Variants in PIGX observed in about 807,000 individuals in gnomAD.
PIGX encodes GPI alpha-1,4-mannosyltransferase I, stabilizing subunit.
In PIGX, 24 loss-of-function variants were observed where a neutral mutation model predicts 28.7. The ratio of observed to expected loss-of-function variants is 0.84; its 90% CI spans 0.60 to 1.17. The LOEUF (loss-of-function observed/expected upper bound fraction) is 1.17, where lower values mean the gene tolerates loss of function less well. PIGX is among the 50% of genes most tolerant of loss of function. PIGX has a pLI of 0.00. For synonymous variants in PIGX, 127 were observed against 121.0 expected (o/e 1.05, Z -0.33); for missense variants, 305 against 317.8 (o/e 0.96, Z 0.31).
intron 3 of PIGX, among the ~76,000 whole-genome samples, chr3:196,725,970 A>G (rs1712507056): frequency 6.6e-6 from 1 of 152,242 alleles, no homozygotes; most frequent in South Asian, 2.1e-4. Flanking sequence ...GGATATAGAC[A>G]TATCCAGCAA....
At chr3:196,732,792 C>T (rs1712867249) in intron 5 of PIGX, among the ~76,000 whole-genome samples, 5 of 152,102 alleles carry the variant, frequency 3.3e-5, no homozygotes, top group South Asian at 4.1e-4. Flanking sequence ...TCCCAAGTTA[C>T]GTACATTTTA....
rs920085209 is a variant in PIGX at position 196,712,727 on chromosome 3, G to T, written c.112+83G>T. The T allele has an allele frequency of 1.2e-5, 14 of 1,121,838 alleles. No individual in the cohort carries two copies. In the African/African-American group the frequency reaches 2.3e-4, roughly 19 times the overall value. 69.5% of individuals were successfully genotyped at this position (1,121,838 alleles called of 1,614,324 possible). On this transcript the variant is annotated intron_variant, in intron 1 of 5. Transcript: ENST00000392391. ...TCTCGGCGGGTTGCGGGGATGTGGG[G>T]ACCCGGCGCGGGACCTAGATCAGTA...
rs79508516 is a variant in PIGX, at chr3:196,732,709, C to G, written c.634-1050C>G. Among the ~76,000 whole-genome samples the G allele has an allele frequency of 0.045, 6,851 of 152,166 alleles. 826 individuals carry two copies. The East Asian group carries it at 0.51, about 11-fold the overall frequency. On this transcript the variant is annotated intron_variant, in intron 5 of 5. Transcript: ENST00000392391. Reference sequence around the variant, plus strand: ...ACGGTTTTCAGATAGCACTTTGTTGCAGATTGGGTTGGTTACTTGTATTTT... The same window carrying G: ...ACGGTTTTCAGATAGCACTTTGTTGGAGATTGGGTTGGTTACTTGTATTTT...
In PIGX at chr3:196,712,681, A is replaced by T. The variant is rs1711875055; in HGVS notation, c.112+37A>T. ...GGGGCTTGGGGGGCCAGAGCGTGGGAGCGGTCCCGGCTCCCGGGCCTCTCG... is the reference window on the plus strand; with the variant it reads ...GGGGCTTGGGGGGCCAGAGCGTGGGTGCGGTCCCGGCTCCCGGGCCTCTCG... On this transcript the variant is annotated intron_variant, in intron 1 of 5. Coordinates refer to ENST00000392391, the MANE Select transcript of PIGX (RefSeq NM_017861.4). The T allele has an allele frequency of 6.0e-6, 7 of 1,174,602 alleles. No individual in the cohort carries two copies. In the African/African-American group the frequency reaches 8.1e-5, roughly 14 times the overall value. The allele number at this position is 1,174,602 out of a possible 1,614,324, so 72.8% of individuals were successfully genotyped here. A position where few individuals can be genotyped will look rare whatever the true frequency, so the allele number is the denominator to read the frequency against.
chr3:196,722,584 G>C, intron 3 of PIGX, 28 bp downstream of exon 3: 1 of 1,597,320 alleles, frequency 6.3e-7, no homozygotes, highest in Non-Finnish European at 8.6e-7. Context: ...TTTTTTGGGA[G>C]AGAAATTAAT....
chr3:196,730,747 CAA>C (rs965830812), intron 4 of PIGX, among the ~76,000 whole-genome samples: 23 of 40,742 alleles, frequency 5.6e-4, no homozygotes, highest in African/African-American at 1.6e-3. Flanking sequence ...GACTCTGTCT[CAA>C]AAAAAAAAAA....
chr3:196,713,717 G>A lies in PIGX; in HGVS notation c.112+1073G>A, dbSNP rs192610520. Among the ~76,000 whole-genome samples, 1,174 of 151,778 alleles carry A rather than the reference G, an allele frequency of 7.7e-3. 12 individuals are homozygous for A. Among genetic ancestry groups the A allele is most frequent in the Non-Finnish European group, 0.011 (764 of 67,940 alleles). On this transcript the variant is annotated intron_variant, in intron 1 of 5. Transcript: ENST00000392391. ...CGGGGCGTGATGGCGTGCCCCTGTAGTCCCAGCTACTCAGGGGGCTAAGGC... is the reference window on the plus strand; with the variant it reads ...CGGGGCGTGATGGCGTGCCCCTGTAATCCCAGCTACTCAGGGGGCTAAGGC...
In PIGX at chr3:196,730,984, T is replaced by A. The variant is rs893316481; in HGVS notation, c.533-8T>A. The A allele has an allele frequency of 7.8e-5, 124 of 1,583,084 alleles. No individual in the cohort carries two copies. Among genetic ancestry groups the A allele is most frequent in the Non-Finnish European group, 1.1e-4 (123 of 1,152,894 alleles). On this transcript the variant is annotated splice_polypyrimidine_tract_variant and splice_region_variant and intron_variant, in intron 4 of 5. Transcript: ENST00000392391. ...TTTTCTGACATCATTTTCTACCACT[T>A]TTCTCAGAGTTCCCGATTTTGAAAT...
At chr3:196,729,021 G>C (rs1289556834) in intron 4 of PIGX, among the ~76,000 whole-genome samples, 1 of 152,050 alleles carries the variant, frequency 6.6e-6, no homozygotes, top group Non-Finnish European at 1.5e-5. Context: ...TTTTTATGTG[G>C]GAATGGGTAA....
At chr3:196,726,591 TGATGAATGA>T in intron 3 of PIGX, 1 of 444,776 alleles carries the variant, frequency 2.2e-6, no homozygotes, top group East Asian at 7.0e-5. Context: ...GCAGCTAATA[TGATGAATGA>T]TTTGGAAACC....
rs150286038 is a variant in PIGX, at chr3:196,714,256, G to T, written c.112+1612G>T. ...AGGTGGAAGGATTGCTTGAGGCCAA[G>T]AGTTCAAGACCAGCCTGGAAAACAT... On this transcript the variant is annotated intron_variant, in intron 1 of 5. Coordinates refer to ENST00000392391, the MANE Select transcript of PIGX (RefSeq NM_017861.4). Among the ~76,000 whole-genome samples the T allele has an allele frequency of 7.6e-3, 1,156 of 152,274 alleles. 18 individuals are homozygous for T. Among genetic ancestry groups the T allele is most frequent in the African/African-American group, 0.027 (1,104 of 41,552 alleles).
At chr3:196,730,004 A>T (rs966508357) in intron 4 of PIGX, among the ~76,000 whole-genome samples, 1 of 150,352 alleles carries the variant, frequency 6.7e-6, no homozygotes, top group African/African-American at 2.4e-5. Context: ...TGGGAGGCGG[A>T]GGTTTCAGTG....
rs73072734 is a variant in PIGX at position 196,731,028 on chromosome 3, T to C, written c.569T>C (p.Val190Ala). The C allele has an allele frequency of 8.5e-4, 1,374 of 1,611,840 alleles. 16 individuals are homozygous for C. The African/African-American group carries it at 0.017, about 20-fold the overall frequency. Reference sequence around the variant, plus strand: ...TTGAAATGCTGGGCTCACTCAGAAGTGGCAGCCCCTTGTGCTTTGGAGAAT... The same window carrying C: ...TTGAAATGCTGGGCTCACTCAGAAGCGGCAGCCCCTTGTGCTTTGGAGAAT... The change falls in exon 5 of 6, where the codon GTG becomes GCG. Residue 190 changes from valine to alanine, a missense_variant. Physicochemically the swap from Val to Ala is moderately conservative, Grantham distance 64 (BLOSUM62 0). Coordinates refer to ENST00000392391, the MANE Select transcript of PIGX (RefSeq NM_017861.4).
chr3:196,713,036 G>C, intron 1 of PIGX: 1 of 987,056 alleles, frequency 1.0e-6, no homozygotes, highest in Non-Finnish European at 1.2e-6. Flanking sequence ...AGGACTCCGT[G>C]GCAAACTGCT....
rs539324430 is a variant in PIGX at position 196,719,008 on chromosome 3, A to G, written c.176+2087A>G. Among the ~76,000 whole-genome samples, 112 of 152,192 alleles carry G rather than the reference A, an allele frequency of 7.4e-4. No individual in the cohort carries two copies. In the South Asian group the frequency reaches 0.02, roughly 27 times the overall value. The stretch of plus-strand genomic sequence containing the variant: ...TAGCCATCCCATATTTATTATTAAT[A>G]TTTGCATATCTTTTTTATCCTTTTA... On this transcript the variant is annotated intron_variant, in intron 2 of 5. Coordinates refer to ENST00000392391, the MANE Select transcript of PIGX (RefSeq NM_017861.4).
At chr3:196,713,084 A>G (rs1424624389) in intron 1 of PIGX, 2 of 985,578 alleles carry the variant, frequency 2.0e-6, no homozygotes, top group Non-Finnish European at 2.4e-6. Context: ...AACTGCTTGT[A>G]CTACTGAGAC....
chr3:196,730,054 A>G (rs1712685432), intron 4 of PIGX, among the ~76,000 whole-genome samples: 1 of 150,616 alleles, frequency 6.6e-6, no homozygotes, highest in Non-Finnish European at 1.5e-5. Flanking sequence ...TGGGAGACAG[A>G]GCAAGACTGT....
At chr3:196,730,721 C>T (rs1255888676) in intron 4 of PIGX, among the ~76,000 whole-genome samples, 3 of 136,414 alleles carry the variant, frequency 2.2e-5, no homozygotes, top group African/African-American at 8.4e-5. Flanking sequence ...GCACTCCAGC[C>T]TGGGTGACAG....
chr3:196,732,925 A>C (rs1577683027), intron 5 of PIGX, among the ~76,000 whole-genome samples: 1 of 152,256 alleles, frequency 6.6e-6, no homozygotes, highest in Non-Finnish European at 1.5e-5. Flanking sequence ...ATTGCTAGTC[A>C]TAGTAAAGGC....
Sources: allele counts gnomAD v4.1 joint callset (sites outside exome capture counted in the v4.1 genomes callset), GRCh38; gene constraint gnomAD v4.1.1; transcripts MANE v1.5; gene names NCBI Gene and HGNC (gene_info 2026-07-23, HGNC 2026-07-21).